The following FBXW4 variants were observed in gnomAD, a reference collection of about 807,000 sequenced individuals.
FBXW4 encodes the protein F-box and WD repeat domain containing 4.
A neutral mutation model predicts 61.8 loss-of-function variants in FBXW4; 40 were observed. That is an observed-to-expected ratio of 0.65 (90% CI 0.50 to 0.84). FBXW4 has a LOEUF of 0.84. FBXW4 is among the 40% of genes least tolerant of loss of function. FBXW4 has a pLI of 0.00. For synonymous variants in FBXW4, 311 were observed against 313.8 expected (o/e 0.99, Z 0.10); for missense variants, 672 against 753.8 (o/e 0.89, Z 1.27).
At chr10:101,646,147 C>T (rs1264571083) in intron 5 of FBXW4, among the ~76,000 whole-genome samples, 1 of 152,196 alleles carries the variant, frequency 6.6e-6, no homozygotes, top group Non-Finnish European at 1.5e-5. Context: ...GTAAAGGGAA[C>T]CTATACTGTT....
intron 1 of FBXW4, among the ~76,000 whole-genome samples, chr10:101,684,422 G>A (rs1034665430): frequency 4.6e-5 from 7 of 152,106 alleles, no homozygotes; most frequent in Non-Finnish European, 1.0e-4. Flanking sequence ...CACTGCGCCT[G>A]GCCTACCCAG....
At chr10:101,682,680 AG>A (rs1564926503) in intron 1 of FBXW4, among the ~76,000 whole-genome samples, 1 of 152,200 alleles carries the variant, frequency 6.6e-6, no homozygotes, top group African/African-American at 2.4e-5. Flanking sequence ...ACACTTTACT[AG>A]GGGTCAAAAT....
At chr10:101,661,001 T>C (rs761512194) in intron 5 of FBXW4, among the ~76,000 whole-genome samples, 1 of 151,940 alleles carries the variant, frequency 6.6e-6, no homozygotes, top group African/African-American at 2.4e-5. Flanking sequence ...AAGGTGGGTA[T>C]TGAGGAGGAA....
rs1396478725 is a variant in FBXW4, at chr10:101,694,494, G to A, written c.612C>T (p.Gly204=). 3 of 1,524,006 alleles carry A rather than the reference G, an allele frequency of 2.0e-6. No individual in the cohort carries two copies. Among genetic ancestry groups the A allele is most frequent in the African/African-American group, 1.4e-5 (1 of 69,862 alleles). 94.4% of individuals were successfully genotyped at this position (1,524,006 alleles called of 1,614,324 possible). The part of the protein sequence containing the change: ...ICSYLDMRAL[G]RLAQVCRWLR... Reference sequence around the variant, plus strand: ...GCCAGCGGCACACCTGGGCCAGGCGGCCGAGGGCCCGCATGTCCAGGTAGG... The same window carrying A: ...GCCAGCGGCACACCTGGGCCAGGCGACCGAGGGCCCGCATGTCCAGGTAGG... Residue 204 remains glycine (G), a synonymous_variant, in exon 1 of 9, where the codon GGC becomes GGT. Transcript: ENST00000331272. This position sits in a 1 kb window ranked among gnomAD's most constrained non-coding sequence, Gnocchi z 6.0.
rs1308644956 is a variant in FBXW4 at position 101,611,816 on chromosome 10, C to T, written c.1443-47G>A. On this transcript the variant is annotated intron_variant, in intron 7 of 8. Transcript: ENST00000331272. This position sits in a 1 kb window ranked among gnomAD's most constrained non-coding sequence, Gnocchi z 4.9. ...AGAGGGAGGTTTAGGGTACCCTCCA[C>T]CTCTACCCCAGCTTTCTTGGGCCTA... 13 of 1,586,298 alleles carry T rather than the reference C, an allele frequency of 8.2e-6. No homozygotes were observed. Among genetic ancestry groups the T allele is most frequent in the Admixed American group, 1.7e-5 (1 of 58,592 alleles).
In FBXW4 at chr10:101,624,283, A is replaced by C. The variant is rs534877040; in HGVS notation, c.1301+462T>G. On this transcript the variant is annotated intron_variant, in intron 6 of 8. Transcript: ENST00000331272. ...AAATTAGAAAGTTAAAAAAAAAAAA[A>C]AAACCAGAATGGCAGATAATCAGAT... Among the ~76,000 whole-genome samples the C allele has an allele frequency of 4.6e-5, 7 of 152,358 alleles. No homozygotes were observed. The East Asian group carries it at 5.8e-4, about 13-fold the overall frequency.
intron 6 of FBXW4, among the ~76,000 whole-genome samples, chr10:101,619,465 T>C (rs891644720): frequency 6.6e-6 from 1 of 152,014 alleles, no homozygotes; most frequent in Non-Finnish European, 1.5e-5. Context: ...GAGACCATCC[T>C]GGCTAAGACG....
At chr10:101,620,138 G>C (rs965157372) in intron 6 of FBXW4, among the ~76,000 whole-genome samples, 8 of 150,972 alleles carry the variant, frequency 5.3e-5, no homozygotes, top group Middle Eastern at 3.4e-3. Context: ...GCAGTGACAG[G>C]TTAAAAGCAA....
In FBXW4 at chr10:101,652,928, A is replaced by C. The variant is rs527995383; in HGVS notation, c.1235+14958T>G. On this transcript the variant is annotated intron_variant, in intron 5 of 8. Coordinates refer to ENST00000331272, the MANE Select transcript of FBXW4 (RefSeq NM_022039.4). ...CCTTGCTCCACTGTCTTTATTTCTGAATTGTCCTTTGGTGCTAATCCCTCA... is the reference window on the plus strand; with the variant it reads ...CCTTGCTCCACTGTCTTTATTTCTGCATTGTCCTTTGGTGCTAATCCCTCA... Among the ~76,000 whole-genome samples the C allele has an allele frequency of 4.6e-5, 7 of 152,096 alleles. No homozygotes were observed. The South Asian group carries it at 1.5e-3, about 32-fold the overall frequency.
intron 5 of FBXW4, among the ~76,000 whole-genome samples, chr10:101,636,620 T>G (rs1275772532): frequency 6.6e-6 from 1 of 151,376 alleles, no homozygotes; most frequent in Non-Finnish European, 1.5e-5. Flanking sequence ...GGAGTCTCGC[T>G]CTTGTTGCCC....
chr10:101,676,269 G>T, intron 2 of FBXW4, 72 bp downstream of exon 2: 2 of 1,309,122 alleles, frequency 1.5e-6, no homozygotes, highest in Non-Finnish European at 2.2e-6. Context: ...CCTCTATGTA[G>T]GACCAGATTT....
chr10:101,675,385 G>A (rs1334941210), intron 2 of FBXW4, among the ~76,000 whole-genome samples: 1 of 152,150 alleles, frequency 6.6e-6, no homozygotes, highest in Non-Finnish European at 1.5e-5. Flanking sequence ...GAATCCCAGG[G>A]CAGCCTGGTA....
At chr10:101,639,207 G>A (rs1329918224) in intron 5 of FBXW4, among the ~76,000 whole-genome samples, 1 of 152,176 alleles carries the variant, frequency 6.6e-6, no homozygotes, top group Admixed American at 6.5e-5. Flanking sequence ...CCTCAGGGAG[G>A]GTGCTAGGCC....
At chr10:101,642,096 G>A (rs2064058395) in intron 5 of FBXW4, among the ~76,000 whole-genome samples, 1 of 152,138 alleles carries the variant, frequency 6.6e-6, no homozygotes, top group Non-Finnish European at 1.5e-5. Context: ...AACCTGAGAG[G>A]CAGAGGTTGC....
rs752028410 is a variant in FBXW4, at chr10:101,694,128, T to C, written c.725+253A>G. On this transcript the variant is annotated intron_variant, in intron 1 of 8. Transcript: ENST00000331272. This position sits in a 1 kb window ranked among gnomAD's most constrained non-coding sequence, Gnocchi z 6.0. Reference sequence around the variant, plus strand: ...AGGGAGTGCCTAAGATGGCTAATTGTGAGGAGCGGCCCACCCGGGAGGGTG... The same window carrying C: ...AGGGAGTGCCTAAGATGGCTAATTGCGAGGAGCGGCCCACCCGGGAGGGTG... Among the ~76,000 whole-genome samples the C allele has an allele frequency of 2.1e-4, 32 of 151,414 alleles. No homozygotes were observed. Among genetic ancestry groups the C allele is most frequent in the Admixed American group, 2.6e-4 (4 of 15,234 alleles).
intron 2 of FBXW4, 52 bp downstream of exon 2, chr10:101,676,289 C>T (rs1452060971): frequency 1.3e-6 from 2 of 1,518,544 alleles, no homozygotes; most frequent in Non-Finnish European, 1.8e-6. Context: ...TTTTACTTTC[C>T]ATTATGCTTT....
chr10:101,670,531 C>A (rs1589772554), intron 4 of FBXW4, among the ~76,000 whole-genome samples: 1 of 152,230 alleles, frequency 6.6e-6, no homozygotes, highest in African/African-American at 2.4e-5. Context: ...CACTTTCTGG[C>A]TCTTGCCCTA....
At chr10:101,682,268 T>C (rs1387702259) in intron 1 of FBXW4, among the ~76,000 whole-genome samples, 1 of 152,212 alleles carries the variant, frequency 6.6e-6, no homozygotes, top group Non-Finnish European at 1.5e-5. Flanking sequence ...GCTATACACA[T>C]GTTAAGGCTA....
At chr10:101,655,749 C>G (rs1336146980) in intron 5 of FBXW4, among the ~76,000 whole-genome samples, 1 of 152,244 alleles carries the variant, frequency 6.6e-6, no homozygotes, top group African/African-American at 2.4e-5. Flanking sequence ...GAGTCTCGTG[C>G]TCTGGACTGG....
Sources: gnomAD v4.1 joint callset for allele counts (sites outside exome capture counted in the v4.1 genomes callset) on GRCh38, gnomAD v4.1.1 for gene constraint, Gnocchi (gnomAD v3.1) non-coding constraint, MANE v1.5 for transcripts, NCBI Gene and HGNC (gene_info 2026-07-23, HGNC 2026-07-21) for gene names.